HIVEP2: variants seen among roughly 807,000 people sequenced by gnomAD.
HIVEP2 encodes HIVEP zinc finger 2.
Under a neutral mutation model 180.7 loss-of-function variants are expected in HIVEP2, and 14 were observed. The ratio of observed to expected loss-of-function variants is 0.08; its 90% confidence interval spans 0.05 to 0.12. HIVEP2 has a LOEUF of 0.12. Among genes scored for constraint, HIVEP2 ranks in the 10% least tolerant of loss-of-function variants. HIVEP2 has a pLI of 1.00. For synonymous variants in HIVEP2, 1,184 were observed against 1,136.4 expected, an observed-to-expected ratio of 1.04 and a Z score of -0.84; for missense variants, 2,579 against 3,008.5, an observed-to-expected ratio of 0.86 and a Z score of 3.34.
At chr6:142,799,758 T>G (rs1776361885) in intron 2 of HIVEP2, among the ~76,000 whole-genome samples, 1 of 152,126 alleles carries the variant, frequency 6.6e-6, no homozygotes, top group African/African-American at 2.4e-5. Context: ...ACTAGTGACA[T>G]CAAACAGCAG....
At chr6:142,848,578 T>A (rs570973223) in intron 1 of HIVEP2, among the ~76,000 whole-genome samples, 20 of 151,980 alleles carry the variant, frequency 1.3e-4, no homozygotes, top group African/African-American at 4.1e-4. Context: ...AAAAAAAAAT[T>A]CAACTGGAGC....
chr6:142,772,185 G>C lies in HIVEP2; in HGVS notation c.2554C>G (p.Pro852Ala), dbSNP rs374943743. 1 of 1,614,188 alleles carries C rather than the reference G, an allele frequency of 6.2e-7. No homozygotes were observed. Among genetic ancestry groups the C allele is most frequent in the African/African-American group, 1.3e-5 (1 of 75,042 alleles). Reference sequence around the variant, plus strand: ...CCACTTTCTGCACCATCCCCAGGTGGAGCCCACTCAGGACTCACTGGGGCT... The same window carrying C: ...CCACTTTCTGCACCATCCCCAGGTGCAGCCCACTCAGGACTCACTGGGGCT... ...SEAPVSPEWA[P>A]PGDGAESGGK... The change falls in exon 5 of 10, where the codon CCA becomes GCA. Residue 852 changes from proline (P) to alanine (A), a missense_variant. By Grantham distance (27) the Pro-to-Ala change is conservative (BLOSUM62 -1). This residue lies in a region of HIVEP2 where 524 missense variants were observed against 563.6 expected (regional missense o/e 0.93). Coordinates refer to ENST00000367603, the MANE Select transcript of HIVEP2 (RefSeq NM_006734.4). This position sits in a 1 kb window ranked among gnomAD's most constrained non-coding sequence, Gnocchi z 4.9.
chr6:142,812,979 G>C (rs1776736763), intron 2 of HIVEP2, among the ~76,000 whole-genome samples: 1 of 152,100 alleles, frequency 6.6e-6, no homozygotes, highest in African/African-American at 2.4e-5. Flanking sequence ...CTGAAATTGT[G>C]TCTGAAAGTT....
At chr6:142,791,430 CCTT>C (rs1776136065) in intron 2 of HIVEP2, among the ~76,000 whole-genome samples, 1 of 152,102 alleles carries the variant, frequency 6.6e-6, no homozygotes, top group African/African-American at 2.4e-5. Context: ...TCAGGTACCT[CCTT>C]GACATTTTGA....
At position 142,774,883 on chromosome 6, in the gene HIVEP2, C is replaced by T; in HGVS notation, c.-145G>A. ...TGCTGATTGCTCCTTCTCTTTGGAA[C>T]CTTCCACACGCACACCACAGTCGAT... On this transcript the variant is annotated 5_prime_UTR_variant, in exon 5 of 10. Coordinates refer to ENST00000367603, the MANE Select transcript of HIVEP2 (RefSeq NM_006734.4). This position sits in a 1 kb window ranked among gnomAD's most constrained non-coding sequence, Gnocchi z 5.1. The T allele has an allele frequency of 1.3e-6, 2 of 1,502,712 alleles. No homozygotes were observed. Among genetic ancestry groups the T allele is most frequent in the Non-Finnish European group, 1.8e-6 (2 of 1,135,334 alleles). The allele number at this position is 1,502,712 out of a possible 1,614,324, so 93.1% of individuals were successfully genotyped here. A position where few individuals can be genotyped will look rare whatever the true frequency, so the allele number is the denominator to read the frequency against.
chr6:142,879,068 A>G (rs1161455572), intron 1 of HIVEP2, among the ~76,000 whole-genome samples: 1 of 152,186 alleles, frequency 6.6e-6, no homozygotes, highest in Non-Finnish European at 1.5e-5. Context: ...TAAGAATTCA[A>G]TGAGATTATG....
chr6:142,790,938 C>A (rs199835267), intron 2 of HIVEP2, among the ~76,000 whole-genome samples: 2 of 151,454 alleles, frequency 1.3e-5, no homozygotes, highest in East Asian at 3.9e-4. Flanking sequence ...TTCAGTCTCT[C>A]GTAGGTCTAC....
chr6:142,942,889 G>C (rs1006182144), intron 1 of HIVEP2, among the ~76,000 whole-genome samples: 2 of 152,142 alleles, frequency 1.3e-5, no homozygotes, highest in East Asian at 3.9e-4. Flanking sequence ...TTTTATACCC[G>C]ACCTATGCTC....
intron 2 of HIVEP2, among the ~76,000 whole-genome samples, chr6:142,805,928 T>C (rs1033797340): frequency 2.6e-5 from 4 of 152,186 alleles, no homozygotes; most frequent in Admixed American, 6.5e-5. Context: ...AGACATCATC[T>C]CCGTCTGCCC....
intron 1 of HIVEP2, among the ~76,000 whole-genome samples, chr6:142,842,315 G>T (rs1219991134): frequency 1.3e-5 from 2 of 152,120 alleles, no homozygotes; most frequent in Non-Finnish European, 2.9e-5. Flanking sequence ...TCTAAATTTT[G>T]TTGTGCATGT....
rs527703670 is a variant in HIVEP2 at position 142,874,690 on chromosome 6, C to T, written c.-640-37643G>A. Among the ~76,000 whole-genome samples the T allele has an allele frequency of 1.2e-4, 18 of 152,072 alleles. No homozygotes were observed. The South Asian group carries it at 3.3e-3, about 28-fold the overall frequency. On this transcript the variant is annotated intron_variant, in intron 1 of 9. Transcript: ENST00000367603. ...ATTGACAAATGCAGCCAGCAAGGAC[C>T]AAAAAGAAGGACACTCAGGAGGGAA...
At chr6:142,818,970 A>G (rs1315647679) in intron 2 of HIVEP2, among the ~76,000 whole-genome samples, 2 of 139,662 alleles carry the variant, frequency 1.4e-5, no homozygotes, top group Non-Finnish European at 3.1e-5. Context: ...AGAACCTGTC[A>G]GGAAGGAAGG....
chr6:142,893,566 A>C (rs371386879), intron 1 of HIVEP2, among the ~76,000 whole-genome samples: 7 of 152,262 alleles, frequency 4.6e-5, no homozygotes, highest in African/African-American at 1.7e-4. Context: ...ATCTTGCCCA[A>C]ATTACAACTA....
At chr6:142,921,872 A>C (rs1013086139) in intron 1 of HIVEP2, among the ~76,000 whole-genome samples, 4 of 152,218 alleles carry the variant, frequency 2.6e-5, no homozygotes, top group African/African-American at 9.6e-5. Context: ...TAAATAGTCA[A>C]TCACCCTAAA....
intron 2 of HIVEP2, among the ~76,000 whole-genome samples, chr6:142,807,407 G>A (rs1300760783): frequency 6.6e-6 from 1 of 152,162 alleles, no homozygotes; most frequent in Non-Finnish European, 1.5e-5. Flanking sequence ...CTGGCCTGAA[G>A]GGGGCATTCT....
chr6:142,793,673 T>TTCTTTCTTTCTTTCTTTCTTTCTTTCTC (rs1289211652), intron 2 of HIVEP2, among the ~76,000 whole-genome samples: 10 of 107,508 alleles, frequency 9.3e-5, no homozygotes, highest in Non-Finnish European at 7.4e-5. Context: ...CTTTCTTTCT[T>TTCTTTCTTTCTTTCTTTCTTTCTTTCTC]TCTCTCTCTC....
chr6:142,885,825 G>T (rs192339129), intron 1 of HIVEP2, among the ~76,000 whole-genome samples: 12 of 152,244 alleles, frequency 7.9e-5, no homozygotes, highest in African/African-American at 2.6e-4. Context: ...GCCGTAAACA[G>T]TACCACCAAC....
At chr6:142,896,392 T>C (rs1264536983) in intron 1 of HIVEP2, among the ~76,000 whole-genome samples, 2 of 152,168 alleles carry the variant, frequency 1.3e-5, no homozygotes, top group East Asian at 1.9e-4. Flanking sequence ...TTGTCCTTCA[T>C]ACCCATCCTA....
At position 142,771,987 on chromosome 6, in the gene HIVEP2, A is replaced by G; in HGVS notation, c.2752T>C (p.Phe918Leu). 6.2e-7 allele frequency: 1 copy of G among 1,614,116 alleles called. No individual in the cohort carries two copies. Among genetic ancestry groups the G allele is most frequent in the Non-Finnish European group, 8.5e-7 (1 of 1,180,036 alleles). ...SKEPEKPVEEFQWPQRSETLS... is the reference protein window; with the variant it reads ...SKEPEKPVEELQWPQRSETLS... ...GTCTCACTTCTCTGGGGCCACTGAA[A>G]TTCTTCCACAGGCTTCTCTGGCTCT... Residue 918 changes from phenylalanine (F) to leucine (L), a missense_variant, in exon 5 of 10, where the codon TTT becomes CTT. This residue lies in a region of HIVEP2 where 51 missense variants were observed against 102.8 expected (regional missense o/e 0.50). Transcript: ENST00000367603. The surrounding 1 kb of genome is among the most constrained non-coding windows in gnomAD (Gnocchi z 5.4).
Sources: allele counts gnomAD v4.1 joint callset (sites outside exome capture counted in the v4.1 genomes callset), GRCh38; gene constraint gnomAD v4.1.1; regional missense constraint gnomAD v4.1.1; non-coding constraint Gnocchi (gnomAD v3.1); transcripts MANE v1.5; gene names NCBI Gene and HGNC (gene_info 2026-07-23, HGNC 2026-07-21).